HS1BP3: variants seen among roughly 807,000 people sequenced by gnomAD.
HS1BP3 encodes HCLS1 binding protein 3, also known as HCLS1-binding protein 3.
In HS1BP3, 32 loss-of-function variants were observed where a neutral mutation model predicts 33.5. That is an observed-to-expected ratio of 0.95 (90% CI 0.72 to 1.28). The LOEUF is 1.28. HS1BP3 is among the 50% of genes most tolerant of loss of function. HS1BP3 has a pLI of 0.00. For synonymous variants in HS1BP3, 187 were observed against 209.2 expected, an observed-to-expected ratio of 0.89 and a Z score of 0.92; for missense variants, 486 against 502.3, an observed-to-expected ratio of 0.97 and a Z score of 0.31.
chr2:20,569,495 C>T (rs1257997839), intron 5 of HS1BP3, among the ~76,000 whole-genome samples: 1 of 152,182 alleles, frequency 6.6e-6, no homozygotes, highest in African/African-American at 2.4e-5. Flanking sequence ...AGATGAACAA[C>T]AAATTCTTAT....
At chr2:20,600,396 C>T (rs777039877) in intron 2 of HS1BP3, among the ~76,000 whole-genome samples, 16 of 152,172 alleles carry the variant, frequency 1.1e-4, no homozygotes, top group Non-Finnish European at 1.0e-4. Flanking sequence ...TATTACAAGT[C>T]GCAACGGCCC....
chr2:20,562,769 A>T (rs1693032097), intron 5 of HS1BP3, among the ~76,000 whole-genome samples: 1 of 152,222 alleles, frequency 6.6e-6, no homozygotes, highest in African/African-American at 2.4e-5. Context: ...ACAGACAGGC[A>T]GCTGGTGTCT....
At chr2:20,598,684 G>T (rs905307627) in intron 2 of HS1BP3, among the ~76,000 whole-genome samples, 8 of 147,186 alleles carry the variant, frequency 5.4e-5, no homozygotes, top group Non-Finnish European at 1.1e-4. Context: ...TCAGCCTCCC[G>T]AGTAGCTGGG....
At chr2:20,578,260 G>A (rs895900373) in intron 5 of HS1BP3, among the ~76,000 whole-genome samples, 1 of 152,188 alleles carries the variant, frequency 6.6e-6, no homozygotes, top group Non-Finnish European at 1.5e-5. Context: ...GTGGCTCCAG[G>A]GCTGCCCTCA....
chr2:20,624,329 G>A (rs1480170294), intron 5 of HS1BP3, among the ~76,000 whole-genome samples: 2 of 152,180 alleles, frequency 1.3e-5, no homozygotes, highest in African/African-American at 2.4e-5. Flanking sequence ...ATTAGTGGGT[G>A]GCATCAATTC....
chr2:20,588,402 C>A (rs761045677), downstream of HS1BP3, among the ~76,000 whole-genome samples: 2 of 152,180 alleles, frequency 1.3e-5, no homozygotes, highest in African/African-American at 4.8e-5. Context: ...CTGCAACCTT[C>A]GCCTCCTGGG....
chr2:20,608,574 C>CAAAAA (rs60486220), intron 2 of HS1BP3, among the ~76,000 whole-genome samples: 3 of 96,388 alleles, frequency 3.1e-5, no homozygotes, highest in Admixed American at 1.1e-4. Flanking sequence ...AACTCCGTCT[C>CAAAAA]AAAAAAAAAA....
intron 6 of HS1BP3, chr2:20,622,387 G>T: frequency 8.2e-7 from 1 of 1,223,594 alleles, no homozygotes. Context: ...TGAAGGTGGG[G>T]GTGCGGGACC....
chr2:20,647,299 C>T (rs1033772211), intron 1 of HS1BP3, among the ~76,000 whole-genome samples: 1 of 152,354 alleles, frequency 6.6e-6, no homozygotes, highest in African/African-American at 2.4e-5. Context: ...GCTCCCCTGA[C>T]TTCTTACCCA....
Position 20,638,648 on chromosome 2 carries a change from G to A in HS1BP3, c.411C>T (p.Thr137=). 5.0e-6 allele frequency: 8 copies of A among 1,612,868 alleles called. No individual in the cohort carries two copies. Among genetic ancestry groups the A allele is most frequent in the Non-Finnish European group, 5.9e-6 (7 of 1,179,220 alleles). ...TGAGCCCTGCAGCCCCTGGGGATCT[G>A]GTACCTGTGGAGGAAGACAGAAAAG... is the stretch of plus-strand genomic sequence containing the variant. ...GSPELLEFLG[T]RSPGAAGLTS... Residue 137 remains threonine (T), a synonymous_variant, in exon 4 of 7, where the codon ACC becomes ACT. Coordinates refer to ENST00000304031, the MANE Select transcript of HS1BP3 (RefSeq NM_022460.4).
At chr2:20,580,738 A>G (rs73919916) in intron 5 of HS1BP3, among the ~76,000 whole-genome samples, 3,570 of 152,322 alleles carry the variant, frequency 0.023, 99 homozygotes, top group African/African-American at 0.073. Context: ...AAAATTACCA[A>G]GTCAGATAAT....
At chr2:20,554,538 C>A in the HS1BP3 span, among the ~76,000 whole-genome samples, 10 of 152,150 alleles carry the variant, frequency 6.6e-5, no homozygotes, top group Non-Finnish European at 1.3e-4. Flanking sequence ...GCCTGGCCAA[C>A]ATGGTGAAAA....
At chr2:20,620,069 G>T (rs960629479) in intron 6 of HS1BP3, among the ~76,000 whole-genome samples, 1 of 152,220 alleles carries the variant, frequency 6.6e-6, no homozygotes, top group East Asian at 1.9e-4. Context: ...CAAGAAACAG[G>T]CCAGGCCACT....
At chr2:20,567,551 G>T (rs1280569433) in intron 5 of HS1BP3, among the ~76,000 whole-genome samples, 1 of 151,814 alleles carries the variant, frequency 6.6e-6, no homozygotes. Context: ...GGGGGTCTGC[G>T]ATCAGCCAGA....
intron 5 of HS1BP3, among the ~76,000 whole-genome samples, chr2:20,569,427 A>G (rs1224905563): frequency 6.6e-6 from 1 of 152,230 alleles, no homozygotes; most frequent in Non-Finnish European, 1.5e-5. Flanking sequence ...TGACTCCTAC[A>G]TAGGGTGGCC....
At chr2:20,616,079 T>C (rs1233016676), downstream of HS1BP3, among the ~76,000 whole-genome samples, 1 of 152,210 alleles carries the variant, frequency 6.6e-6, no homozygotes, top group Non-Finnish European at 1.5e-5. Context: ...ATCCTGTCCA[T>C]GGGCTCACAA....
chr2:20,555,666 C>T (rs562411282), downstream of HS1BP3, among the ~76,000 whole-genome samples: 11 of 152,058 alleles, frequency 7.2e-5, no homozygotes, highest in South Asian at 2.3e-3. Flanking sequence ...CTGCCTCTTC[C>T]TTCCTCCCTT....
intron 5 of HS1BP3, among the ~76,000 whole-genome samples, chr2:20,563,329 T>C (rs1397763208): frequency 2.6e-5 from 4 of 152,198 alleles, no homozygotes; most frequent in Non-Finnish European, 5.9e-5. Flanking sequence ...CACAGGCCCT[T>C]GGTTCCCAGT....
intron 5 of HS1BP3, among the ~76,000 whole-genome samples, chr2:20,586,063 G>T (rs987935130): frequency 1.3e-5 from 2 of 152,224 alleles, no homozygotes; most frequent in African/African-American, 4.8e-5. Flanking sequence ...CCGAGGCCCA[G>T]CTACAGGCTC....
Sources: allele counts gnomAD v4.1 joint callset (sites outside exome capture counted in the v4.1 genomes callset), GRCh38; gene constraint gnomAD v4.1.1; transcripts MANE v1.5; gene names NCBI Gene and HGNC (gene_info 2026-07-23, HGNC 2026-07-21).